The following ANKS1B variants were observed in gnomAD, a reference collection of about 807,000 sequenced individuals.
ANKS1B encodes the protein ankyrin repeat and sterile alpha motif domain-containing protein 1B.
ANKS1B carries 36 observed loss-of-function variants against 148.3 expected under a neutral mutation model. The ratio of observed to expected loss-of-function variants is 0.24; its 90% CI spans 0.19 to 0.32. The LOEUF is 0.32. Among genes scored for constraint, ANKS1B ranks in the 10% least tolerant of loss-of-function variants. The pLI, the probability that ANKS1B is intolerant of heterozygous loss-of-function variation, is 1.00. For missense variants in ANKS1B, 1,157 were observed against 1,542.6 expected, an observed-to-expected ratio of 0.75 and a Z score of 4.19; for synonymous variants, 542 against 560.8, an observed-to-expected ratio of 0.97 and a Z score of 0.47.
At chr12:99,834,033 G>A (rs1006371558) in intron 1 of ANKS1B, among the ~76,000 whole-genome samples, 4 of 151,778 alleles carry the variant, frequency 2.6e-5, no homozygotes, top group Non-Finnish European at 4.4e-5. Flanking sequence ...AACATCCACC[G>A]ACACATCTGA....
chr12:99,898,905 C>T (rs757791185), intron 1 of ANKS1B, among the ~76,000 whole-genome samples: 1 of 152,150 alleles, frequency 6.6e-6, no homozygotes, highest in Non-Finnish European at 1.5e-5. Flanking sequence ...TACATAATCG[C>T]AAAAACACTA....
rs1383860076 is a variant in ANKS1B, at chr12:99,549,352, A to G, written c.1273-44711T>C. On this transcript the variant is annotated intron_variant, in intron 9 of 26. Coordinates refer to ENST00000683438, the MANE Select transcript of ANKS1B (RefSeq NM_001352186.2). ...GTTGAGGCAAAAGACTAGGAAGTTT[A>G]AGATCAGTCCCTGCCAAAATTCTTA... Among the ~76,000 whole-genome samples the G allele has an allele frequency of 2.6e-5, 4 of 152,234 alleles. No homozygotes were observed. In the East Asian group the frequency reaches 7.7e-4, roughly 29 times the overall value.
chr12:99,720,543 C>T (rs559797214), intron 8 of ANKS1B, among the ~76,000 whole-genome samples: 6 of 152,168 alleles, frequency 3.9e-5, no homozygotes, highest in East Asian at 3.8e-4. Flanking sequence ...AAAGGTAGAA[C>T]GGACTAATGG....
intron 15 of ANKS1B, among the ~76,000 whole-genome samples, chr12:99,106,892 ATACC>A (rs1190314856): frequency 6.6e-6 from 1 of 152,200 alleles, no homozygotes; most frequent in Non-Finnish European, 1.5e-5. Context: ...TTCAGTTATA[ATACC>A]TCACAGAATA....
intron 9 of ANKS1B, among the ~76,000 whole-genome samples, chr12:99,511,901 C>T (rs1227749622): frequency 1.3e-5 from 2 of 151,940 alleles, no homozygotes; most frequent in African/African-American, 2.4e-5. Flanking sequence ...ACACCTTATA[C>T]AAAAATTAAC....
At chr12:99,860,205 C>T (rs961541882) in intron 1 of ANKS1B, among the ~76,000 whole-genome samples, 2 of 152,156 alleles carry the variant, frequency 1.3e-5, no homozygotes, top group African/African-American at 2.4e-5. Context: ...AGGCAAAAGA[C>T]ACAGAGCAAT....
At chr12:99,510,967 A>G (rs2153028712) in intron 9 of ANKS1B, among the ~76,000 whole-genome samples, 1 of 152,124 alleles carries the variant, frequency 6.6e-6, no homozygotes, top group Non-Finnish European at 1.5e-5. Context: ...TGTGATCTGC[A>G]AACAAATATT....
In ANKS1B at chr12:99,692,402, G is replaced by A. The variant is rs140289640; in HGVS notation, c.1129-37192C>T. The stretch of plus-strand genomic sequence containing the variant: ...AAAAAGAGATGAGGCCCAGCGCAGT[G>A]GCTCATGCCTGTAATCCCAGCACTT... On this transcript the variant is annotated intron_variant, in intron 8 of 26. Transcript: ENST00000683438. 1.9e-4 allele frequency among the ~76,000 whole-genome samples: 29 copies of A among 152,260 alleles called. No individual in the cohort carries two copies. The East Asian group carries it at 5.6e-3, about 29-fold the overall frequency.
At chr12:98,913,411 A>G (rs2099789422) in intron 17 of ANKS1B, among the ~76,000 whole-genome samples, 1 of 150,696 alleles carries the variant, frequency 6.6e-6, no homozygotes, top group Non-Finnish European at 1.5e-5. Context: ...TCCTCCTCAT[A>G]CTCTCGACCT....
At chr12:99,793,184 T>C (rs1040266364) in intron 4 of ANKS1B, among the ~76,000 whole-genome samples, 21 of 151,822 alleles carry the variant, frequency 1.4e-4, no homozygotes, top group African/African-American at 5.1e-4. Flanking sequence ...TGAAAGAAAT[T>C]GAAGATGACA....
chr12:98,822,766 T>C (rs2099209350), intron 19 of ANKS1B, among the ~76,000 whole-genome samples: 1 of 152,208 alleles, frequency 6.6e-6, no homozygotes, highest in Admixed American at 6.5e-5. Flanking sequence ...GAATCAACTC[T>C]GGCTAATTTG....
At chr12:99,484,609 G>T (rs190078081) in intron 10 of ANKS1B, among the ~76,000 whole-genome samples, 3 of 151,680 alleles carry the variant, frequency 2.0e-5, no homozygotes, top group African/African-American at 7.3e-5. Context: ...TTCCACTATT[G>T]TTATGTTGCT....
intron 12 of ANKS1B, among the ~76,000 whole-genome samples, chr12:99,310,327 G>C (rs1166044355): frequency 6.6e-6 from 1 of 152,092 alleles, no homozygotes; most frequent in Non-Finnish European, 1.5e-5. Flanking sequence ...GGGCCACAGG[G>C]TGTCCTGATA....
rs76283306 is a variant in ANKS1B at position 99,299,717 on chromosome 12, A to C, written c.1757-52853T>G. Among the ~76,000 whole-genome samples the C allele has an allele frequency of 8.5e-3, 1,299 of 152,334 alleles. 8 individuals are homozygous for C. Among genetic ancestry groups the C allele is most frequent in the Non-Finnish European group, 0.012 (818 of 68,038 alleles). On this transcript the variant is annotated intron_variant, in intron 12 of 26. Transcript: ENST00000683438. ...TAGAAGTTAGGACATATCTATATGC[A>C]TACCCATATTTGGGAAATAGATTAA...
rs12307027 is a variant in ANKS1B, at chr12:99,613,245, G to A, written c.1272+41822C>T. Among the ~76,000 whole-genome samples, 400 of 152,222 alleles carry A rather than the reference G, an allele frequency of 2.6e-3. 2 individuals are homozygous for A. Among genetic ancestry groups the A allele is most frequent in the African/African-American group, 8.8e-3 (364 of 41,566 alleles). ...GAGAAAAAGAAATGCTTATACCAACGCTGTTAGTAGCAGTGTAAATTAGTT... is the reference window on the plus strand; with the variant it reads ...GAGAAAAAGAAATGCTTATACCAACACTGTTAGTAGCAGTGTAAATTAGTT... On this transcript the variant is annotated intron_variant, in intron 9 of 26. Coordinates refer to ENST00000683438, the MANE Select transcript of ANKS1B (RefSeq NM_001352186.2).
chr12:99,466,309 A>C (rs1447186670), intron 10 of ANKS1B, among the ~76,000 whole-genome samples: 1 of 152,228 alleles, frequency 6.6e-6, no homozygotes, highest in Non-Finnish European at 1.5e-5. Flanking sequence ...GGAAATTTAT[A>C]GCACTAAATG....
At chr12:99,663,095 A>G (rs1047277350) in intron 8 of ANKS1B, among the ~76,000 whole-genome samples, 8 of 152,136 alleles carry the variant, frequency 5.3e-5, no homozygotes, top group African/African-American at 1.9e-4. Flanking sequence ...CCTTTTTACA[A>G]TCTTTTAAAA....
At chr12:99,130,129 G>A (rs535133062) in intron 15 of ANKS1B, among the ~76,000 whole-genome samples, 6 of 152,144 alleles carry the variant, frequency 3.9e-5, no homozygotes, top group South Asian at 4.2e-4. Context: ...CATTTGCCAT[G>A]GTACAATGTG....
chr12:99,320,384 T>C (rs1297543418), intron 12 of ANKS1B, among the ~76,000 whole-genome samples: 1 of 152,190 alleles, frequency 6.6e-6, no homozygotes, highest in Non-Finnish European at 1.5e-5. Flanking sequence ...GGAGGCTTTG[T>C]TCATTTCTTT....
Sources: gnomAD v4.1 joint callset for allele counts (sites outside exome capture counted in the v4.1 genomes callset) on GRCh38, gnomAD v4.1.1 for gene constraint, MANE v1.5 for transcripts, NCBI Gene and HGNC (gene_info 2026-07-23, HGNC 2026-07-21) for gene names.